The following PCDHGB2 variants were observed in gnomAD, a reference collection of about 807,000 sequenced individuals.
PCDHGB2 encodes protocadherin gamma subfamily B, 2.
A neutral mutation model predicts 59.3 loss-of-function variants in PCDHGB2; 55 were observed. The observed-to-expected ratio is 0.93, with a 90% CI of 0.75 to 1.16. The LOEUF (loss-of-function observed/expected upper bound fraction) is 1.16. Among genes scored for constraint, PCDHGB2 ranks in the 50% most tolerant of loss-of-function variants. The pLI is 0.00. For missense variants in PCDHGB2, 1,228 were observed against 1,198.5 expected (o/e 1.02, Z -0.36); for synonymous variants, 516 against 512.0 (o/e 1.01, Z -0.11).
rs1193465269 is a variant in PCDHGB2 at position 141,467,055 on chromosome 5, C to CT, written c.2422-27736dup. Among the ~76,000 whole-genome samples, 814 of 134,448 alleles carry CT rather than the reference C, an allele frequency of 6.1e-3. 10 individuals carry two copies. Among genetic ancestry groups the CT allele is most frequent in the African/African-American group, 0.018 (656 of 36,920 alleles). The allele number at this position is 134,448 out of a possible 152,430, so 88.2% of individuals were successfully genotyped here. A position where few individuals can be genotyped will look rare whatever the true frequency, so the allele number is the denominator to read the frequency against. Reference sequence around the variant, plus strand: ...TTTTTGTGTAATGAATCAATGTTTTCTTTTTTTTTTTTTTTTAGACCAAGT... The same window carrying CT: ...TTTTTGTGTAATGAATCAATGTTTTCTTTTTTTTTTTTTTTTTAGACCAAGT... On this transcript the variant is annotated intron_variant, in intron 1 of 3. Coordinates refer to ENST00000522605, the MANE Select transcript of PCDHGB2 (RefSeq NM_018923.3).
intron 1 of PCDHGB2, chr5:141,391,637 G>T (rs2092401462): frequency 1.3e-5 from 2 of 152,192 alleles, no homozygotes; most frequent in Admixed American, 6.5e-5. Flanking sequence ...TTTAGTCAGT[G>T]AAAAAACTAT....
intron 1 of PCDHGB2, among the ~76,000 whole-genome samples, chr5:141,450,823 A>ATTT: frequency 7.5e-6 from 1 of 133,136 alleles, no homozygotes; most frequent in African/African-American, 2.9e-5. Flanking sequence ...TAATATTATT[A>ATTT]TTATTATTTT....
chr5:141,489,904 C>T lies in PCDHGB2; in HGVS notation c.2422-4903C>T, dbSNP rs750411680. On this transcript the variant is annotated intron_variant, in intron 1 of 3. Transcript: ENST00000522605. This position sits in a 1 kb window ranked among gnomAD's most constrained non-coding sequence, Gnocchi z 4.5. ...TGCTGTGGATGGGGGGACCCCAGCC[C>T]GCTCAGGGACCACCCTTATCTCTGT... 1.6e-5 allele frequency: 26 copies of T among 1,614,092 alleles called. No homozygotes were observed. The highest frequency in any genetic ancestry group is 3.3e-5 in the Admixed American group (2 of 60,014).
rs182682202 is a variant in PCDHGB2 at position 141,445,418 on chromosome 5, T to A, written c.2422-49389T>A. Among the ~76,000 whole-genome samples the A allele has an allele frequency of 2.2e-3, 335 of 152,310 alleles. 1 individual carries two copies. Among genetic ancestry groups the A allele is most frequent in the Middle Eastern group, 0.01 (3 of 294 alleles). Reference sequence around the variant, plus strand: ...ACAAATATTTATTAACTGTCTGCTATATGCAAGGCACTGACCTATGGACTA... The same window carrying A: ...ACAAATATTTATTAACTGTCTGCTAAATGCAAGGCACTGACCTATGGACTA... On this transcript the variant is annotated intron_variant, in intron 1 of 3. Transcript: ENST00000522605.
At chr5:141,496,285 A>G (rs1003747820) in intron 2 of PCDHGB2, among the ~76,000 whole-genome samples, 1 of 152,210 alleles carries the variant, frequency 6.6e-6, no homozygotes, top group Non-Finnish European at 1.5e-5. Flanking sequence ...AGTTGGTCTG[A>G]GCAGAGTGGG....
chr5:141,456,229 C>G (rs191169523), intron 1 of PCDHGB2, among the ~76,000 whole-genome samples: 9 of 152,234 alleles, frequency 5.9e-5, no homozygotes, highest in African/African-American at 1.7e-4. Context: ...ATCAAACTAA[C>G]TGCTGTTAGG....
chr5:141,380,851 A>G (rs1341551183), intron 1 of PCDHGB2, among the ~76,000 whole-genome samples: 1 of 152,282 alleles, frequency 6.6e-6, no homozygotes, highest in Admixed American at 6.5e-5. Flanking sequence ...ATGGATCAAG[A>G]CATTGAGAGC....
chr5:141,498,197 A>C (rs1191884415), intron 2 of PCDHGB2, among the ~76,000 whole-genome samples: 1 of 152,246 alleles, frequency 6.6e-6, no homozygotes. Flanking sequence ...AACCAGCTAA[A>C]GAAAAGAAGG....
At chr5:141,363,643 A>G (rs193285139) in intron 1 of PCDHGB2, among the ~76,000 whole-genome samples, 2 of 152,388 alleles carry the variant, frequency 1.3e-5, no homozygotes, top group Non-Finnish European at 2.9e-5. Flanking sequence ...CCTCACAAGT[A>G]ACAAAGATCT....
At chr5:141,364,748 G>T (rs891416528) in intron 1 of PCDHGB2, 3 of 1,613,978 alleles carry the variant, frequency 1.9e-6, no homozygotes, top group Non-Finnish European at 8.5e-7. Flanking sequence ...AGAGTTAAAA[G>T]TAAAAGTTAA....
chr5:141,426,364 G>C (rs918838005), intron 1 of PCDHGB2: 1 of 202,328 alleles, frequency 4.9e-6, no homozygotes, highest in Non-Finnish European at 1.0e-5. Flanking sequence ...TTTGTTCTGC[G>C]GGGCACCCTC....
chr5:141,429,390 A>T (rs556289214), intron 1 of PCDHGB2, among the ~76,000 whole-genome samples: 3,394 of 150,296 alleles, frequency 0.023, 54 homozygotes, highest in South Asian at 0.043. Context: ...TTTTTTTTAA[A>T]AAAAATTGAG....
At chr5:141,440,155 A>C (rs1250255277) in intron 1 of PCDHGB2, 1 of 152,238 alleles carries the variant, frequency 6.6e-6, no homozygotes, top group Non-Finnish European at 1.5e-5. Flanking sequence ...CCCCAATTAT[A>C]GCTTGGGCCA....
Position 141,486,829 on chromosome 5 carries a change from T to A in PCDHGB2, c.2422-7978T>A. 1 of 1,614,178 alleles carries A rather than the reference T, an allele frequency of 6.2e-7. No individual in the cohort carries two copies. On this transcript the variant is annotated intron_variant, in intron 1 of 3. Coordinates refer to ENST00000522605, the MANE Select transcript of PCDHGB2 (RefSeq NM_018923.3). The surrounding 1 kb of genome is among the most constrained non-coding windows in gnomAD (Gnocchi z 5.0). ...CCCTTAGCAGCACTGTAACAGTTCG[T>A]CTATTTGTGCTGGACCTCAATGACA...
Position 141,476,209 on chromosome 5 carries a change from G to T in PCDHGB2, c.2422-18598G>T, listed in dbSNP as rs749576231. On this transcript the variant is annotated intron_variant, in intron 1 of 3. Coordinates refer to ENST00000522605, the MANE Select transcript of PCDHGB2 (RefSeq NM_018923.3). The surrounding 1 kb of genome is among the most constrained non-coding windows in gnomAD (Gnocchi z 7.6). ...TTGGTGCCTTGAACAAGGCTTCCAC[G>T]GTCATTCACTATGAGATCCCGGAGG... The T allele has an allele frequency of 6.2e-6, 10 of 1,613,974 alleles. No individual in the cohort carries two copies. Among genetic ancestry groups the T allele is most frequent in the Non-Finnish European group, 8.5e-6 (10 of 1,180,026 alleles).
Position 141,361,617 on chromosome 5 carries a change from C to A in PCDHGB2, c.1482C>A (p.Ser494Arg), listed in dbSNP as rs762792613. The A allele has an allele frequency of 4.3e-6, 7 of 1,613,866 alleles. No homozygotes were observed. Among genetic ancestry groups the A allele is most frequent in the Admixed American group, 1.7e-5 (1 of 60,012 alleles). Residue 494 changes from serine to arginine, a missense_variant, in exon 1 of 4, where the codon AGC becomes AGA. Ser to Arg is a moderately radical substitution (Grantham distance 110). Coordinates refer to ENST00000522605, the MANE Select transcript of PCDHGB2 (RefSeq NM_018923.3). ...AAGTTTCCTACTCCATCGTAGCGAG[C>A]GACCTGAAGCCGCGGGAGATTTTAT... ...SGQVSYSIVA[S>R]DLKPREILSY...
intron 1 of PCDHGB2, chr5:141,398,248 A>G (rs908511447): frequency 1.4e-6 from 2 of 1,472,692 alleles, no homozygotes; most frequent in African/African-American, 2.9e-5. Flanking sequence ...TCCCGAGGAA[A>G]TGCCCAAGGG....
In PCDHGB2 at chr5:141,491,722, C is replaced by T. The variant is rs1276921909; in HGVS notation, c.2422-3085C>T. ...CCAGGTGAGGGGCTCGGCGCCGCCC[C>T]GGGCGACCCCTGGGGGCGGCACTGG... On this transcript the variant is annotated intron_variant, in intron 1 of 3. Coordinates refer to ENST00000522605, the MANE Select transcript of PCDHGB2 (RefSeq NM_018923.3). This position sits in a 1 kb window ranked among gnomAD's most constrained non-coding sequence, Gnocchi z 6.9. The T allele has an allele frequency of 6.2e-7, 1 of 1,607,004 alleles. No homozygotes were observed.
At chr5:141,364,769 G>A in intron 1 of PCDHGB2, 4 of 1,614,012 alleles carry the variant, frequency 2.5e-6, no homozygotes, top group Non-Finnish European at 3.4e-6. Flanking sequence ...TGAAAATGCG[G>A]CTGCAGGGAC....
Sources: gnomAD v4.1 joint callset for allele counts (sites outside exome capture counted in the v4.1 genomes callset) on GRCh38, gnomAD v4.1.1 for gene constraint, Gnocchi (gnomAD v3.1) non-coding constraint, MANE v1.5 for transcripts, NCBI Gene and HGNC (gene_info 2026-07-23, HGNC 2026-07-21) for gene names.